RORB: variants seen among roughly 807,000 people sequenced by gnomAD.
The protein encoded by RORB is nuclear receptor ROR-beta.
RORB carries 6 observed loss-of-function variants against 59.1 expected under a neutral mutation model. That is an observed-to-expected ratio of 0.10 (90% CI 0.06 to 0.20). The LOEUF is 0.20. Ranked by LOEUF, RORB falls within the 10% of genes least tolerant of loss-of-function variation. The probability of loss-of-function intolerance (pLI) is 1.00; values close to 1 mark genes in which losing one functional copy is unlikely to be tolerated. For synonymous variants in RORB, 215 were observed against 204.5 expected, an observed-to-expected ratio of 1.05 and a Z score of -0.44; for missense variants, 320 against 560.5, an observed-to-expected ratio of 0.57 and a Z score of 4.33.
At chr9:74,632,543 C>T (rs117893590) in intron 2 of RORB, among the ~76,000 whole-genome samples, 1 of 152,202 alleles carries the variant, frequency 6.6e-6, no homozygotes, top group Non-Finnish European at 1.5e-5. Flanking sequence ...AATTTCTATT[C>T]ATTCAATAAA....
intron 3 of RORB, among the ~76,000 whole-genome samples, chr9:74,635,265 G>A (rs1823682398): frequency 6.6e-6 from 1 of 152,130 alleles, no homozygotes. Flanking sequence ...CCCAGAGGAG[G>A]AATTGGACTA....
intron 1 of RORB, among the ~76,000 whole-genome samples, chr9:74,500,120 A>G (rs1825786392): frequency 6.6e-6 from 1 of 152,140 alleles, no homozygotes; most frequent in Non-Finnish European, 1.5e-5. Context: ...CCTATCAAAG[A>G]GGGCGCCAGC....
chr9:74,622,519 A>ATTTTTTTTTTT (rs33946613), intron 1 of RORB, among the ~76,000 whole-genome samples: 2 of 74,142 alleles, frequency 2.7e-5, no homozygotes, highest in African/African-American at 5.6e-5. Context: ...TACAACCCAG[A>ATTTTTTTTTTT]TTTTTTTTTT....
chr9:74,550,625 G>A (rs1304282853), intron 1 of RORB, among the ~76,000 whole-genome samples: 1 of 152,142 alleles, frequency 6.6e-6, no homozygotes, highest in African/African-American at 2.4e-5. Context: ...CAGTACATTT[G>A]ACAGAAAAGG....
chr9:74,615,488 A>T, intron 1 of RORB: 1 of 304,892 alleles, frequency 3.3e-6, no homozygotes, highest in Non-Finnish European at 6.8e-6. Flanking sequence ...ATTTAATCTC[A>T]TTAATGCAGC....
chr9:74,664,969 A>G, intron 6 of RORB, among the ~76,000 whole-genome samples: 1 of 152,242 alleles, frequency 6.6e-6, no homozygotes, highest in East Asian at 1.9e-4. Flanking sequence ...CTTAGCACCT[A>G]CTATGTGCCA....
chr9:74,679,224 A>T (rs1276653148), intron 9 of RORB, among the ~76,000 whole-genome samples: 2 of 152,142 alleles, frequency 1.3e-5, no homozygotes, highest in Non-Finnish European at 2.9e-5. Context: ...TCGTGGTCTT[A>T]GTCTCCCTAT....
chr9:74,684,754 G>A lies in RORB; in HGVS notation c.1225-709G>A, dbSNP rs1587423969. ...CAGTGACCTCCCAAATTCTCTATGT[G>A]TTTCATATTATGCATTACAGTGGAA... On this transcript the variant is annotated intron_variant, in intron 9 of 9. Transcript: ENST00000376896. Among the ~76,000 whole-genome samples the A allele has an allele frequency of 2.0e-5, 3 of 152,168 alleles. No individual in the cohort carries two copies. In the South Asian group the frequency reaches 6.2e-4, roughly 32 times the overall value.
chr9:74,596,394 G>C (rs1285387550), intron 1 of RORB, among the ~76,000 whole-genome samples: 1 of 152,150 alleles, frequency 6.6e-6, no homozygotes, highest in East Asian at 1.9e-4. Context: ...ATAACTCAGG[G>C]ACCAGAGGAT....
intron 4 of RORB, among the ~76,000 whole-genome samples, chr9:74,650,589 A>AT (rs992179358): frequency 6.6e-6 from 1 of 152,070 alleles, no homozygotes; most frequent in Non-Finnish European, 1.5e-5. Flanking sequence ...TATTTTATTT[A>AT]TTTTTTAAGG....
chr9:74,620,190 G>A (rs1200291768), intron 1 of RORB, among the ~76,000 whole-genome samples: 1 of 152,090 alleles, frequency 6.6e-6, no homozygotes, highest in Non-Finnish European at 1.5e-5. Context: ...TTTTGGTTGG[G>A]AGGCTATTAA....
chr9:74,559,592 G>A (rs1396925816), intron 1 of RORB, among the ~76,000 whole-genome samples: 2 of 152,068 alleles, frequency 1.3e-5, no homozygotes, highest in Non-Finnish European at 2.9e-5. Context: ...AAAACCTGAT[G>A]AAATTTAAAA....
At chr9:74,614,415 T>C (rs1468114347) in intron 1 of RORB, among the ~76,000 whole-genome samples, 1 of 152,074 alleles carries the variant, frequency 6.6e-6, no homozygotes, top group East Asian at 1.9e-4. Flanking sequence ...GTCATAATAG[T>C]GTATTGTATT....
At chr9:74,537,364 C>G (rs1186106448) in intron 1 of RORB, among the ~76,000 whole-genome samples, 2 of 151,834 alleles carry the variant, frequency 1.3e-5, no homozygotes, top group African/African-American at 2.4e-5. Flanking sequence ...AGTTCTTAAA[C>G]TTTTTATTTT....
intron 1 of RORB, among the ~76,000 whole-genome samples, chr9:74,602,569 C>T (rs1335580807): frequency 1.3e-5 from 2 of 152,172 alleles, no homozygotes; most frequent in African/African-American, 4.8e-5. Context: ...TGGCAGCTGA[C>T]CTTACTAACA....
At chr9:74,571,159 T>C (rs572266276) in intron 1 of RORB, among the ~76,000 whole-genome samples, 1 of 152,192 alleles carries the variant, frequency 6.6e-6, no homozygotes, top group East Asian at 1.9e-4. Context: ...AGTCAGAGCA[T>C]TTCCTAAAAA....
intron 9 of RORB, among the ~76,000 whole-genome samples, chr9:74,682,857 G>A (rs1318549530): frequency 7.0e-4 from 107 of 152,324 alleles, no homozygotes; most frequent in Non-Finnish European, 1.6e-4. Flanking sequence ...CTCTACAGTA[G>A]TTGGGATTAC....
chr9:74,544,171 G>A (rs1414762399), intron 1 of RORB, among the ~76,000 whole-genome samples: 2 of 152,226 alleles, frequency 1.3e-5, no homozygotes, highest in Middle Eastern at 3.4e-3. Context: ...CAGGCTTGCC[G>A]CTTGCCTTGG....
chr9:74,646,110 AT>A (rs1455644362), intron 4 of RORB, among the ~76,000 whole-genome samples: 44 of 138,392 alleles, frequency 3.2e-4, no homozygotes, highest in Non-Finnish European at 2.3e-4. Context: ...GACTGGGTGA[AT>A]TTGAGATTAT....
Sources: gnomAD v4.1 joint callset for allele counts (sites outside exome capture counted in the v4.1 genomes callset) on GRCh38, gnomAD v4.1.1 for gene constraint, MANE v1.5 for transcripts, NCBI Gene and HGNC (gene_info 2026-07-23, HGNC 2026-07-21) for gene names.